The following ZFHX4 variants were observed in gnomAD, a reference collection of about 807,000 sequenced individuals.
ZFHX4 encodes zinc finger homeobox 4.
In ZFHX4, 56 loss-of-function variants were observed where a neutral mutation model predicts 267.6. The observed-to-expected ratio is 0.21, with a 90% CI of 0.17 to 0.26. The LOEUF is 0.26. Among genes scored for constraint, ZFHX4 ranks in the 10% least tolerant of loss-of-function variants. The probability of loss-of-function intolerance (pLI) is 1.00; values close to 1 mark genes in which losing one functional copy is unlikely to be tolerated. For synonymous variants in ZFHX4, 1,778 were observed against 1,665.6 expected (o/e 1.07, Z -1.64); for missense variants, 4,332 against 4,420.0 (o/e 0.98, Z 0.56).
chr8:76,833,842 T>G (rs1027336904), intron 5 of ZFHX4, among the ~76,000 whole-genome samples: 1 of 152,162 alleles, frequency 6.6e-6, no homozygotes, highest in African/African-American at 2.4e-5. Context: ...TAATATCATA[T>G]AGAACAGTTT....
In ZFHX4 at chr8:76,850,973, C is replaced by T. The variant is rs771374391; in HGVS notation, c.4052C>T (p.Thr1351Ile). Reference sequence around the variant, plus strand: ...GTAAAGAATGAGGAGCAGAAACCGACTAAAGAACCCTTGGAAGTCTCAGAA... The same window carrying T: ...GTAAAGAATGAGGAGCAGAAACCGATTAAAGAACCCTTGGAAGTCTCAGAA... Reference protein sequence around the residue: ...VEVKNEEQKPTKEPLEVSEWN... With the variant: ...VEVKNEEQKPIKEPLEVSEWN... Residue 1351 changes from threonine to isoleucine, a missense_variant, in exon 10 of 11, where the codon ACT becomes ATT. Thr to Ile is a moderately conservative substitution (Grantham distance 89). Transcript: ENST00000651372. 1 of 1,613,740 alleles carries T rather than the reference C, an allele frequency of 6.2e-7. No homozygotes were observed. The highest frequency in any genetic ancestry group is 8.5e-7 in the Non-Finnish European group (1 of 1,179,824).
Position 76,853,833 on chromosome 8 carries a change from C to T in ZFHX4, c.6912C>T (p.Tyr2304=). The T allele has an allele frequency of 6.2e-7, 1 of 1,613,854 alleles. No individual in the cohort carries two copies. The change falls in exon 10 of 11, where the codon TAC becomes TAT. Residue 2304 remains tyrosine, a synonymous_variant. Coordinates refer to ENST00000651372, the MANE Select transcript of ZFHX4 (RefSeq NM_024721.5). The part of the protein sequence containing the change: ...NEKRELTNER[Y]IRTSNMQYQC... ...AAAGAGAACTCACTAATGAACGGTA[C>T]ATTCGAACAAGCAACATGCAGTACC...
At chr8:76,740,490 C>T (rs75948754) in intron 3 of ZFHX4, among the ~76,000 whole-genome samples, 2,449 of 150,408 alleles carry the variant, frequency 0.016, 34 homozygotes, top group Middle Eastern at 0.027. Flanking sequence ...CCAAAACCTA[C>T]TGGGGAAAAA....
chr8:76,686,282 G>C (rs965320941), intron 1 of ZFHX4, among the ~76,000 whole-genome samples: 1 of 152,166 alleles, frequency 6.6e-6, no homozygotes, highest in Admixed American at 6.5e-5. Context: ...TCTGCAAGCT[G>C]TTTGTTTTTC....
chr8:76,767,721 T>C (rs1810088441), intron 3 of ZFHX4, among the ~76,000 whole-genome samples: 1 of 152,182 alleles, frequency 6.6e-6, no homozygotes, highest in South Asian at 2.1e-4. Context: ...AGAGGAAAAG[T>C]TAAACTTTGG....
intron 3 of ZFHX4, among the ~76,000 whole-genome samples, chr8:76,760,764 C>CA (rs1480400893): frequency 6.6e-6 from 1 of 151,306 alleles, no homozygotes; most frequent in Non-Finnish European, 1.5e-5. Flanking sequence ...CTCTTCTCTA[C>CA]AAAAAAATTA....
intron 1 of ZFHX4, among the ~76,000 whole-genome samples, chr8:76,699,560 CAA>C (rs1808047938): frequency 6.6e-6 from 1 of 152,044 alleles, no homozygotes; most frequent in Non-Finnish European, 1.5e-5. Flanking sequence ...TATGATATAT[CAA>C]AAGAGAGACT....
chr8:76,731,380 AG>A (rs1016166279), intron 3 of ZFHX4, among the ~76,000 whole-genome samples: 2 of 152,136 alleles, frequency 1.3e-5, no homozygotes, highest in African/African-American at 4.8e-5. Context: ...TCAAGTTTGG[AG>A]ATGGGGAGAA....
At chr8:76,727,233 AGCCTCTTTCT>A (rs1808876723) in intron 3 of ZFHX4, among the ~76,000 whole-genome samples, 1 of 152,010 alleles carries the variant, frequency 6.6e-6, no homozygotes, top group Non-Finnish European at 1.5e-5. Flanking sequence ...CACCAAAAGG[AGCCTCTTTCT>A]GCTGGAAACA....
intron 1 of ZFHX4, among the ~76,000 whole-genome samples, 168 bp from the exon 2 acceptor site, chr8:76,703,875 A>G (rs1278977979): frequency 6.6e-6 from 1 of 152,230 alleles, no homozygotes; most frequent in East Asian, 1.9e-4. Flanking sequence ...TTATTTTGCT[A>G]CATTTATACA....
At chr8:76,848,930 C>A in intron 6 of ZFHX4, 65 bp from the exon 7 acceptor site, 1 of 1,403,008 alleles carries the variant, frequency 7.1e-7, no homozygotes, top group Non-Finnish European at 9.4e-7. Context: ...GTTTGAAAAA[C>A]ATAATTTTTC....
chr8:76,842,455 G>T (rs1015184691), intron 5 of ZFHX4, among the ~76,000 whole-genome samples, 200 bp from the exon 6 acceptor site: 1 of 152,128 alleles, frequency 6.6e-6, no homozygotes, highest in Admixed American at 6.5e-5. Context: ...TACAAAAGAA[G>T]ATCCTTTAGA....
At position 76,853,061 on chromosome 8, in the gene ZFHX4, C is replaced by T. The variant is rs915707952; in HGVS notation, c.6140C>T (p.Pro2047Leu). ...CCACCCACTCCTCCCCCACCACCAC[C>T]ACCTCCTCCTCCTCCTCCTCCTCCC... is the stretch of plus-strand genomic sequence containing the variant. ...APPPTPPPPP[P>L]PPPPPPPPPP... The change falls in exon 10 of 11, where the codon CCA becomes CTA. Residue 2047 changes from proline to leucine, a missense_variant. Coordinates refer to ENST00000651372, the MANE Select transcript of ZFHX4 (RefSeq NM_024721.5). 2.6e-6 allele frequency: 3 copies of T among 1,136,384 alleles called. No homozygotes were observed. In the South Asian group the frequency reaches 4.0e-5, roughly 15 times the overall value. 70.4% of individuals were successfully genotyped at this position (1,136,384 alleles called of 1,614,324 possible). A position where few individuals can be genotyped will look rare whatever the true frequency, so the allele number is the denominator to read the frequency against.
chr8:76,701,801 AT>A (rs1427574172), intron 1 of ZFHX4, among the ~76,000 whole-genome samples: 4 of 151,910 alleles, frequency 2.6e-5, no homozygotes, highest in African/African-American at 4.8e-5. Context: ...ATTAAAGTGA[AT>A]TTTTTTTACA....
intron 3 of ZFHX4, among the ~76,000 whole-genome samples, chr8:76,769,338 CTTTT>C (rs760356068): frequency 4.0e-5 from 6 of 151,282 alleles, no homozygotes; most frequent in Non-Finnish European, 7.4e-5. Flanking sequence ...CTCTTTCTTT[CTTTT>C]CTTTCTTTCT....
intron 1 of ZFHX4, among the ~76,000 whole-genome samples, chr8:76,691,610 T>G (rs1807825843): frequency 6.6e-6 from 1 of 152,172 alleles, no homozygotes; most frequent in East Asian, 1.9e-4. Context: ...CTACATTTGT[T>G]GGCAACCCAA....
chr8:76,852,844 T>C lies in ZFHX4; in HGVS notation c.5923T>C (p.Tyr1975His), dbSNP rs919233359. ...QEHVHGQFFP[Y>H]AALEKFARQY... ...ACATGTACATGGGCAATTTTTTCCA[T>C]ATGCAGCGCTAGAAAAATTTGCTCG... Residue 1975 changes from tyrosine (Y) to histidine (H), a missense_variant, in exon 10 of 11, where the codon TAT becomes CAT. Physicochemically the swap from Tyr to His is moderately conservative, Grantham distance 83. This residue lies in a region of ZFHX4 where 1,371 missense variants were observed against 1,423.1 expected (regional missense o/e 0.96). Transcript: ENST00000651372. 11 of 1,613,806 alleles carry C rather than the reference T, an allele frequency of 6.8e-6. No individual in the cohort carries two copies. Among genetic ancestry groups the C allele is most frequent in the African/African-American group, 4.0e-5 (3 of 74,936 alleles).
intron 3 of ZFHX4, among the ~76,000 whole-genome samples, chr8:76,738,712 TTCTCTCTCTCTC>T (rs571087005): frequency 3.2e-5 from 4 of 123,810 alleles, no homozygotes; most frequent in African/African-American, 9.0e-5. Flanking sequence ...CTCTCTCTCT[TTCTCTCTCTCTC>T]TCTCTCTCTC....
chr8:76,855,469 A>T lies in ZFHX4; in HGVS notation c.8548A>T (p.Lys2850Ter). ...GCCAAAAACTCTGGATACTCTGCCAAAACCTGCAACCACACCTACCACGGA... is the reference window on the plus strand; with the variant it reads ...GCCAAAAACTCTGGATACTCTGCCATAACCTGCAACCACACCTACCACGGA... ...KEPKTLDTLP[K>*]PATTPTTEVC... Residue 2850 changes from lysine to a stop codon, truncating the protein, a stop_gained, in exon 10 of 11, where the codon AAA becomes TAA. Coordinates refer to ENST00000651372, the MANE Select transcript of ZFHX4 (RefSeq NM_024721.5). LOFTEE classifies it high-confidence loss of function. 6.2e-7 allele frequency: 1 copy of T among 1,613,714 alleles called. No homozygotes were observed. Among genetic ancestry groups the T allele is most frequent in the Non-Finnish European group, 8.5e-7 (1 of 1,179,820 alleles).
Sources: allele counts gnomAD v4.1 joint callset (sites outside exome capture counted in the v4.1 genomes callset), GRCh38; gene constraint gnomAD v4.1.1; regional missense constraint gnomAD v4.1.1; transcripts MANE v1.5; gene names NCBI Gene and HGNC (gene_info 2026-07-23, HGNC 2026-07-21).